GALNT9: variants seen among roughly 807,000 people sequenced by gnomAD.
GALNT9 encodes GalNAc transferase 9.
Under a neutral mutation model 63.1 loss-of-function variants are expected in GALNT9, and 47 were observed. The ratio of observed to expected loss-of-function variants is 0.75; its 90% CI spans 0.59 to 0.95. The LOEUF is 0.95. Ranked by LOEUF, GALNT9 falls within the 40% of genes least tolerant of loss-of-function variation. The pLI is 0.00. For synonymous variants in GALNT9, 396 were observed against 365.7 expected (o/e 1.08, Z -0.94); for missense variants, 829 against 874.8 (o/e 0.95, Z 0.66).
chr12:132,265,182 C>T lies in GALNT9; in HGVS notation c.420-2557G>A, dbSNP rs1879551720. Among the ~76,000 whole-genome samples, 1 of 152,192 alleles carries T rather than the reference C, an allele frequency of 6.6e-6. No individual in the cohort carries two copies. The highest frequency in any genetic ancestry group is 1.5e-5 in the Non-Finnish European group (1 of 68,028). On this transcript the variant is annotated intron_variant, in intron 2 of 10. Transcript: ENST00000328957. This position sits in a 1 kb window ranked among gnomAD's most constrained non-coding sequence, Gnocchi z 5.3. The stretch of plus-strand genomic sequence containing the variant: ...GATTTTCCAACAAGTCCCAAATGCC[C>T]ATCAATGAGGAAGGCAAGTCGCTCA...
At chr12:132,241,560 C>T (rs1878356897) in intron 6 of GALNT9, among the ~76,000 whole-genome samples, 4 of 93,510 alleles carry the variant, frequency 4.3e-5, no homozygotes, top group Non-Finnish European at 8.9e-5. Flanking sequence ...ATACCCATTA[C>T]ACACACACCA....
At chr12:132,198,533 C>CTA (rs1249453977) in intron 9 of GALNT9, among the ~76,000 whole-genome samples, 1 of 150,610 alleles carries the variant, frequency 6.6e-6, no homozygotes, top group East Asian at 2.0e-4. Flanking sequence ...ATCCACCCCC[C>CTA]GAGCCAATGC....
chr12:132,284,112 CAT>C (rs55661399), intron 2 of GALNT9: 12,051 of 151,968 alleles, frequency 0.079, 587 homozygotes, highest in African/African-American at 0.12. Flanking sequence ...CACACGCACA[CAT>C]ATGCACACAC....
chr12:132,229,625 C>G (rs1186474595), intron 6 of GALNT9, among the ~76,000 whole-genome samples: 8 of 152,348 alleles, frequency 5.3e-5, no homozygotes, highest in African/African-American at 1.7e-4. Flanking sequence ...CCGCCTGTGC[C>G]TCAGCGGGGC....
At chr12:132,244,031 A>G (rs1376760923) in intron 6 of GALNT9, among the ~76,000 whole-genome samples, 1 of 150,316 alleles carries the variant, frequency 6.7e-6, no homozygotes, top group African/African-American at 2.5e-5. Context: ...AGACGGGGGC[A>G]GTGCAACCTC....
chr12:132,311,601 G>A (rs1257178010), intron 1 of GALNT9, among the ~76,000 whole-genome samples: 2 of 152,236 alleles, frequency 1.3e-5, no homozygotes, highest in African/African-American at 4.8e-5. Context: ...TGCCGGCAGA[G>A]AGAGCAGATG....
intron 2 of GALNT9, among the ~76,000 whole-genome samples, chr12:132,264,768 G>C (rs1477275366): frequency 6.6e-6 from 1 of 152,204 alleles, no homozygotes; most frequent in African/African-American, 2.4e-5. Context: ...ATGCTCCACC[G>C]CGTCATGCTG....
chr12:132,203,196 G>A (rs1250201598), intron 7 of GALNT9, among the ~76,000 whole-genome samples: 5 of 152,204 alleles, frequency 3.3e-5, no homozygotes, highest in African/African-American at 1.2e-4. Context: ...GCGGCACCAG[G>A]TTGGGGAGAG....
chr12:132,306,876 T>C (rs1002040316), intron 1 of GALNT9, among the ~76,000 whole-genome samples: 1 of 152,186 alleles, frequency 6.6e-6, no homozygotes, highest in Non-Finnish European at 1.5e-5. Flanking sequence ...TGAAGTTCCT[T>C]TCCCATGACC....
rs1555246767 is a variant in GALNT9 at position 132,329,158 on chromosome 12, G to A, written c.46C>T (p.Leu16=). ...KIRTLLTVNI[L]VFVGIVLFSV... is the part of the protein sequence containing the mutation. ...AACAGGACGATGCCCACGAACACCA[G>A]GATGTTCACCGTCAGCAAAGTTCGG... The change falls in exon 1 of 11, where the codon CTG becomes TTG. Residue 16 remains leucine, a synonymous_variant. Coordinates refer to ENST00000328957, the MANE Select transcript of GALNT9 (RefSeq NM_001122636.2). 8.4e-6 allele frequency: 13 copies of A among 1,549,216 alleles called. No homozygotes were observed. The East Asian group carries it at 3.2e-4, about 38-fold the overall frequency.
chr12:132,289,307 T>C (rs1880722174), intron 1 of GALNT9, among the ~76,000 whole-genome samples: 1 of 152,258 alleles, frequency 6.6e-6, no homozygotes, highest in Admixed American at 6.5e-5. Context: ...CTTGATCTTT[T>C]GTCGTGCCAT....
intron 1 of GALNT9, among the ~76,000 whole-genome samples, chr12:132,309,777 G>A (rs1881747467): frequency 6.6e-6 from 1 of 152,232 alleles, no homozygotes; most frequent in South Asian, 2.1e-4. Context: ...TCTGTGGTCA[G>A]TGCTACAGCA....
intron 1 of GALNT9, among the ~76,000 whole-genome samples, chr12:132,291,526 G>A (rs1298916805): frequency 1.5e-5 from 2 of 135,392 alleles, no homozygotes; most frequent in African/African-American, 2.9e-5. Flanking sequence ...CACATCCACA[G>A]CACCCACGTC....
At chr12:132,306,522 C>A (rs1323068426) in intron 1 of GALNT9, among the ~76,000 whole-genome samples, 1 of 152,166 alleles carries the variant, frequency 6.6e-6, no homozygotes, top group Non-Finnish European at 1.5e-5. Context: ...GTTCTTAAGG[C>A]GAAGTCAGTT....
intron 6 of GALNT9, among the ~76,000 whole-genome samples, chr12:132,210,919 G>A (rs1313423786): frequency 1.3e-5 from 2 of 151,904 alleles, no homozygotes; most frequent in Non-Finnish European, 2.9e-5. Context: ...TCTGGTGGTC[G>A]GCTGCCGGCC....
rs782411592 is a variant in GALNT9 at position 132,246,292 on chromosome 12, G to T, written c.1077+1618C>A. Among the ~76,000 whole-genome samples, 14 of 152,344 alleles carry T rather than the reference G, an allele frequency of 9.2e-5. No individual in the cohort carries two copies. The highest frequency in any genetic ancestry group is 3.4e-3 in the Middle Eastern group (1 of 294). On this transcript the variant is annotated intron_variant, in intron 6 of 10. Transcript: ENST00000328957. This position sits in a 1 kb window ranked among gnomAD's most constrained non-coding sequence, Gnocchi z 4.7. The stretch of plus-strand genomic sequence containing the variant: ...TGTGCAGTTTAAAATCGGACAGGAT[G>T]AGAGGATTAAAGGCACCTGCAAACA...
At chr12:132,230,275 G>A (rs1411134358) in intron 6 of GALNT9, among the ~76,000 whole-genome samples, 1 of 152,160 alleles carries the variant, frequency 6.6e-6, no homozygotes, top group Admixed American at 6.5e-5. Context: ...GATGGGGGCC[G>A]CCACACAGGA....
intron 2 of GALNT9, chr12:132,284,198 T>C (rs1555241939): frequency 6.8e-6 from 1 of 146,956 alleles, no homozygotes; most frequent in East Asian, 2.0e-4. Context: ...CGCATGTGTG[T>C]GCACACGTGC....
chr12:132,196,656 T>C lies in GALNT9; in HGVS notation c.*451A>G. ...GCATTATGATGTGTGACTTAGGTCT[T>C]GGTTGGAGGGCTGAGCGGCCGCAAG... On this transcript the variant is annotated 3_prime_UTR_variant, in exon 11 of 11. Coordinates refer to ENST00000328957, the MANE Select transcript of GALNT9 (RefSeq NM_001122636.2). The C allele has an allele frequency of 2.0e-6, 2 of 999,798 alleles. No homozygotes were observed. The highest frequency in any genetic ancestry group is 8.9e-5 in the South Asian group (2 of 22,486). 61.9% of individuals were successfully genotyped at this position (999,798 alleles called of 1,614,324 possible).
Sources: gnomAD v4.1 joint callset for allele counts (sites outside exome capture counted in the v4.1 genomes callset) on GRCh38, gnomAD v4.1.1 for gene constraint, Gnocchi (gnomAD v3.1) non-coding constraint, MANE v1.5 for transcripts, NCBI Gene and HGNC (gene_info 2026-07-23, HGNC 2026-07-21) for gene names.